Variants in SYT16 observed in about 807,000 individuals in gnomAD.
SYT16 encodes the protein synaptotagmin-16.
Under a neutral mutation model 61.4 loss-of-function variants are expected in SYT16, and 42 were observed. The observed-to-expected ratio is 0.68, with a 90% CI of 0.53 to 0.89. SYT16 has a LOEUF of 0.89. Among genes scored for constraint, SYT16 ranks in the 40% least tolerant of loss-of-function variants. The pLI, the probability that SYT16 is intolerant of heterozygous loss-of-function variation, is 0.00. For missense variants in SYT16, 804 were observed against 807.3 expected (o/e 1.00, Z 0.05); for synonymous variants, 314 against 302.3 (o/e 1.04, Z -0.40).
chr14:61,934,092 T>C (rs2049883512), intron 1 of SYT16, among the ~76,000 whole-genome samples: 1 of 152,208 alleles, frequency 6.6e-6, no homozygotes. Flanking sequence ...ACTTTTTCTG[T>C]ATAAACTTTT....
intron 1 of SYT16, among the ~76,000 whole-genome samples, chr14:61,853,275 T>C (rs1416799162): frequency 1.3e-5 from 2 of 152,198 alleles, no homozygotes; most frequent in Non-Finnish European, 2.9e-5. Context: ...AGAATTAAAA[T>C]TGTTTTGGAC....
intron 1 of SYT16, among the ~76,000 whole-genome samples, chr14:61,949,610 C>T (rs1480475093): frequency 2.0e-5 from 3 of 152,170 alleles, no homozygotes; most frequent in Admixed American, 1.3e-4. Context: ...ATGCTCACCA[C>T]ACCGCACTGG....
chr14:61,959,217 A>T (rs991313435), intron 1 of SYT16, among the ~76,000 whole-genome samples: 1 of 152,100 alleles, frequency 6.6e-6, no homozygotes, highest in Non-Finnish European at 1.5e-5. Flanking sequence ...CAGCCATTAT[A>T]TGTCTTTTAA....
intron 3 of SYT16, among the ~76,000 whole-genome samples, chr14:62,020,717 G>C (rs895912551): frequency 6.6e-6 from 1 of 152,136 alleles, no homozygotes; most frequent in Non-Finnish European, 1.5e-5. Flanking sequence ...ATTCCTGGTG[G>C]GCGTCAGGAG....
intron 1 of SYT16, among the ~76,000 whole-genome samples, chr14:61,866,409 C>G (rs913613054): frequency 6.6e-6 from 1 of 152,042 alleles, no homozygotes; most frequent in Non-Finnish European, 1.5e-5. Flanking sequence ...TTTCCAGTTG[C>G]TTTACATCTT....
At chr14:62,092,221 C>T (rs924772271) in intron 7 of SYT16, among the ~76,000 whole-genome samples, 2 of 131,552 alleles carry the variant, frequency 1.5e-5, no homozygotes, top group Admixed American at 7.3e-5. Flanking sequence ...CACACACACA[C>T]ACACACTAAC....
At chr14:61,974,700 C>T (rs1284011086) in intron 2 of SYT16, among the ~76,000 whole-genome samples, 2 of 152,314 alleles carry the variant, frequency 1.3e-5, no homozygotes, top group African/African-American at 4.8e-5. Context: ...GACCGAGTTA[C>T]TTTGAGTAGC....
At chr14:62,009,878 G>A (rs992365129) in intron 3 of SYT16, among the ~76,000 whole-genome samples, 1 of 152,088 alleles carries the variant, frequency 6.6e-6, no homozygotes, top group Non-Finnish European at 1.5e-5. Flanking sequence ...TGGTGCTTCC[G>A]ATTTCTGATA....
chr14:61,888,650 T>C (rs1243313966), intron 1 of SYT16, among the ~76,000 whole-genome samples: 1 of 151,906 alleles, frequency 6.6e-6, no homozygotes, highest in African/African-American at 2.4e-5. Context: ...AATGTAAGGG[T>C]TTGAAATTAT....
intron 1 of SYT16, among the ~76,000 whole-genome samples, chr14:61,952,345 T>G (rs1215464991): frequency 6.6e-6 from 1 of 152,156 alleles, no homozygotes; most frequent in East Asian, 1.9e-4. Flanking sequence ...GAGTGGAGAA[T>G]AGCTGAAGTG....
intron 1 of SYT16, among the ~76,000 whole-genome samples, chr14:61,890,749 C>T (rs1413513569): frequency 6.6e-6 from 1 of 152,046 alleles, no homozygotes; most frequent in African/African-American, 2.4e-5. Context: ...AAAACCAAGC[C>T]TCTGGGATTG....
intron 1 of SYT16, among the ~76,000 whole-genome samples, chr14:61,930,636 A>C (rs1213339994): frequency 1.3e-5 from 2 of 151,950 alleles, no homozygotes; most frequent in African/African-American, 4.8e-5. Context: ...ACCCATGAAT[A>C]TGTTAGGTTA....
chr14:61,884,454 T>A (rs1431844724), intron 1 of SYT16, among the ~76,000 whole-genome samples: 2 of 152,238 alleles, frequency 1.3e-5, no homozygotes, highest in East Asian at 3.8e-4. Flanking sequence ...CTAAAGGCAC[T>A]GTGCTTCAGT....
intron 2 of SYT16, among the ~76,000 whole-genome samples, chr14:61,975,846 A>G (rs2051768368): frequency 6.6e-6 from 1 of 152,194 alleles, no homozygotes; most frequent in South Asian, 2.1e-4. Context: ...TCGCATTTCA[A>G]ACCAATAATG....
chr14:62,044,320 C>G (rs760096394), intron 3 of SYT16, among the ~76,000 whole-genome samples: 24 of 152,070 alleles, frequency 1.6e-4, no homozygotes, highest in Non-Finnish European at 3.1e-4. Context: ...TTCTGGGATA[C>G]ATGTGCAGAA....
At chr14:62,075,913 T>C (rs1316929115) in intron 5 of SYT16, among the ~76,000 whole-genome samples, 2 of 152,238 alleles carry the variant, frequency 1.3e-5, no homozygotes, top group East Asian at 1.9e-4. Context: ...GCACTGTGAA[T>C]ATATACAAAA....
At chr14:61,845,146 C>G (rs1442020006) in intron 1 of SYT16, among the ~76,000 whole-genome samples, 2 of 144,696 alleles carry the variant, frequency 1.4e-5, no homozygotes, top group Admixed American at 7.2e-5. Context: ...CTCCTGGGTT[C>G]AAGTGATTCT....
chr14:61,930,867 T>C (rs1041945633), intron 1 of SYT16, among the ~76,000 whole-genome samples: 1 of 152,118 alleles, frequency 6.6e-6, no homozygotes, highest in Non-Finnish European at 1.5e-5. Context: ...TTTGAGCCAC[T>C]TGTAGAGGCA....
In SYT16 at chr14:61,826,489, C is replaced by G. The variant is rs571825550; in HGVS notation, c.-325+13679C>G. ...AGATTCCAATTTCCTGTCTCTGTCT[C>G]TCTCCCTGAAAGTGCTCCTGGGCAT... On this transcript the variant is annotated intron_variant, in intron 1 of 7. Transcript: ENST00000683842. Among the ~76,000 whole-genome samples the G allele has an allele frequency of 8.5e-5, 13 of 152,146 alleles. No individual in the cohort carries two copies. In the East Asian group the frequency reaches 2.3e-3, roughly 27 times the overall value.
Sources: gnomAD v4.1 joint callset for allele counts (sites outside exome capture counted in the v4.1 genomes callset) on GRCh38, gnomAD v4.1.1 for gene constraint, MANE v1.5 for transcripts, NCBI Gene and HGNC (gene_info 2026-07-23, HGNC 2026-07-21) for gene names.